The following GLRX3 variants were observed in gnomAD, a reference collection of about 807,000 sequenced individuals.
GLRX3 encodes the protein glutaredoxin 3.
Under a neutral mutation model 49.5 loss-of-function variants are expected in GLRX3, and 22 were observed. The ratio of observed to expected loss-of-function variants is 0.44; its 90% CI spans 0.32 to 0.63. GLRX3 has a LOEUF of 0.63. Ranked by LOEUF, GLRX3 falls within the 30% of genes least tolerant of loss-of-function variation. The pLI is 0.05. For synonymous variants in GLRX3, 133 were observed against 140.0 expected, an observed-to-expected ratio of 0.95 and a Z score of 0.35; for missense variants, 385 against 396.3, an observed-to-expected ratio of 0.97 and a Z score of 0.24.
At chr10:130,155,593 G>C (rs981020907) in intron 2 of GLRX3, among the ~76,000 whole-genome samples, 2 of 152,190 alleles carry the variant, frequency 1.3e-5, no homozygotes, top group East Asian at 3.8e-4. Flanking sequence ...GATGGATTTT[G>C]TGAGATAGAG....
At chr10:130,139,380 C>T (rs1862130223) in intron 1 of GLRX3, among the ~76,000 whole-genome samples, 1 of 151,678 alleles carries the variant, frequency 6.6e-6, no homozygotes, top group East Asian at 2.0e-4. Context: ...TGGCTCACGC[C>T]TGTAATCCCA....
chr10:130,169,446 A>G lies in GLRX3; in HGVS notation c.727A>G (p.Thr243Ala), dbSNP rs1412233821. ...TTCTCTCTTTAGGCTCAAAGTGCTG[A>G]CAAATAAAGCTTCTGTGATGCTCTT... The part of the protein sequence containing the change: ...PKLEERLKVL[T>A]NKASVMLFMK... Residue 243 changes from threonine to alanine, a missense_variant, in exon 7 of 11, where the codon ACA becomes GCA. This residue lies in a region of GLRX3 where 374 missense variants were observed against 358.6 expected (regional missense o/e 1.04). Transcript: ENST00000331244. 6.2e-7 allele frequency: 1 copy of G among 1,610,884 alleles called. No homozygotes were observed. Among genetic ancestry groups the G allele is most frequent in the Non-Finnish European group, 8.5e-7 (1 of 1,176,998 alleles).
At chr10:130,139,213 C>CCAGGAAA in intron 1 of GLRX3, among the ~76,000 whole-genome samples, 1 of 151,984 alleles carries the variant, frequency 6.6e-6, no homozygotes, top group Non-Finnish European at 1.5e-5. Context: ...TGCCGCTGGC[C>CCAGGAAA]TGTACTTGAA....
intron 2 of GLRX3, among the ~76,000 whole-genome samples, chr10:130,146,561 T>C (rs1862274393): frequency 6.6e-6 from 1 of 152,208 alleles, no homozygotes; most frequent in South Asian, 2.1e-4. Flanking sequence ...GTTAAAGATA[T>C]TATTCAGGAC....
intron 10 of GLRX3, among the ~76,000 whole-genome samples, chr10:130,176,729 G>C (rs558275547): frequency 1.3e-5 from 2 of 151,164 alleles, no homozygotes; most frequent in Non-Finnish European, 2.9e-5. Context: ...ATCTGCATTT[G>C]TTTCTTCCCT....
chr10:130,175,234 G>A (rs1358798631), intron 10 of GLRX3, 145 bp downstream of exon 10: 5 of 647,462 alleles, frequency 7.7e-6, no homozygotes, highest in South Asian at 7.2e-5. Context: ...CAGTATCACC[G>A]TTTCTGTGTG....
rs1474692817 is a variant in GLRX3 at position 130,145,220 on chromosome 10, T to C, written c.102T>C (p.Leu34=). 7.1e-7 allele frequency: 1 copy of C among 1,400,850 alleles called. No homozygotes were observed. Among genetic ancestry groups the C allele is most frequent in the African/African-American group, 1.4e-5 (1 of 71,320 alleles). The allele number at this position is 1,400,850 out of a possible 1,614,324, so 86.8% of individuals were successfully genotyped here. A position where few individuals can be genotyped will look rare whatever the true frequency, so the allele number is the denominator to read the frequency against. Residue 34 remains leucine (L), a synonymous_variant, in exon 2 of 11, where the codon CTT becomes CTC. Coordinates refer to ENST00000331244, the MANE Select transcript of GLRX3 (RefSeq NM_006541.5). ...TTTAATTGATTTACAGGTCCCTCCT[T>C]GTGGTCCATTTCTGGGCACCATGGG... ...ELLRLKAKSL[L]VVHFWAPWAP...
chr10:130,171,077 G>A (rs1166127549), intron 7 of GLRX3, among the ~76,000 whole-genome samples: 1 of 150,430 alleles, frequency 6.6e-6, no homozygotes, highest in African/African-American at 2.4e-5. Flanking sequence ...GCAGTGAGCC[G>A]AGATCACACT....
rs1468905544 is a variant in GLRX3 at position 130,160,839 on chromosome 10, A to C, written c.320A>C (p.Glu107Ala). 1 of 1,610,758 alleles carries C rather than the reference A, an allele frequency of 6.2e-7. No individual in the cohort carries two copies. Among genetic ancestry groups the C allele is most frequent in the South Asian group, 1.1e-5 (1 of 90,998 alleles). The change falls in exon 4 of 11, where the codon GAG (glutamate) becomes GCG (alanine). Residue 107 changes from glutamate (E) to alanine (A), a missense_variant. By Grantham distance (107) the Glu-to-Ala change is moderately radical. This residue lies in a region of GLRX3 where 374 missense variants were observed against 358.6 expected (regional missense o/e 1.04). Transcript: ENST00000331244. ...CGATTAGATGGTGCACATGCCCCAG[A>C]GTTGACCAAAAAAGTTCAGCGACAT... Reference protein sequence around the residue: ...IDRLDGAHAPELTKKVQRHAS... With the variant: ...IDRLDGAHAPALTKKVQRHAS...
intron 1 of GLRX3, among the ~76,000 whole-genome samples, chr10:130,139,022 TG>T (rs1315541889): frequency 1.3e-5 from 2 of 151,590 alleles, no homozygotes; most frequent in African/African-American, 4.8e-5. Context: ...CCACCACGCC[TG>T]GCTAATTTTT....
Position 130,136,416 on chromosome 10 carries a change from G to A in GLRX3, c.-5G>A, listed in dbSNP as rs1187115760. ...ACTGGATTGCTTCTGTCTGGCGGCG[G>A]CAGCATGGCGGCGGGGGCGGCTGAG... On this transcript the variant is annotated 5_prime_UTR_variant, in exon 1 of 11. Transcript: ENST00000331244. 19 of 1,252,984 alleles carry A rather than the reference G, an allele frequency of 1.5e-5. No homozygotes were observed. Among genetic ancestry groups the A allele is most frequent in the South Asian group, 3.8e-5 (1 of 26,042 alleles). The allele number at this position is 1,252,984 out of a possible 1,614,324, so 77.6% of individuals were successfully genotyped here. A position where few individuals can be genotyped will look rare whatever the true frequency, so the allele number is the denominator to read the frequency against.
At chr10:130,155,064 C>T (rs892443021) in intron 2 of GLRX3, among the ~76,000 whole-genome samples, 2 of 152,012 alleles carry the variant, frequency 1.3e-5, no homozygotes, top group African/African-American at 4.8e-5. Flanking sequence ...CCCAAACTTC[C>T]GAGCTCAAGC....
At chr10:130,157,118 G>C (rs546478908) in intron 2 of GLRX3, among the ~76,000 whole-genome samples, 1 of 152,100 alleles carries the variant, frequency 6.6e-6, no homozygotes, top group African/African-American at 2.4e-5. Context: ...AATAGGATAG[G>C]TACAGATAGA....
chr10:130,169,132 T>G (rs1445217690), intron 6 of GLRX3, among the ~76,000 whole-genome samples: 1 of 152,182 alleles, frequency 6.6e-6, no homozygotes, highest in Non-Finnish European at 1.5e-5. Flanking sequence ...TATAGGCCCC[T>G]TATTGAACAA....
At chr10:130,154,675 C>T (rs557374491) in intron 2 of GLRX3, among the ~76,000 whole-genome samples, 1 of 151,968 alleles carries the variant, frequency 6.6e-6, no homozygotes, top group African/African-American at 2.4e-5. Context: ...AGTCTTGCAG[C>T]TCAGTGCCAT....
rs1564998399 is a variant in GLRX3, at chr10:130,169,498, A to G, written c.771+8A>G. The G allele has an allele frequency of 1.9e-6, 3 of 1,578,606 alleles. No homozygotes were observed. The East Asian group carries it at 6.7e-5, about 35-fold the overall frequency. On this transcript the variant is annotated splice_region_variant and intron_variant, in intron 7 of 10. Transcript: ENST00000331244. ...ATGAAAGGAAACAAACAGGTAAAGA[A>G]CTCAAAAATGGTTTTATTTGTAATT...
chr10:130,173,519 T>C (rs751936461), intron 8 of GLRX3, among the ~76,000 whole-genome samples: 1 of 152,194 alleles, frequency 6.6e-6, no homozygotes, highest in African/African-American at 2.4e-5. Flanking sequence ...AAAATACACA[T>C]GCATGAGTGG....
intron 1 of GLRX3, among the ~76,000 whole-genome samples, chr10:130,138,246 AG>A (rs1322598559): frequency 2.0e-5 from 3 of 152,050 alleles, no homozygotes; most frequent in Non-Finnish European, 4.4e-5. Flanking sequence ...TCGTAGAGGC[AG>A]GGTTTCCTCA....
intron 2 of GLRX3, among the ~76,000 whole-genome samples, chr10:130,152,432 A>G (rs985977100): frequency 1.3e-5 from 2 of 152,172 alleles, no homozygotes; most frequent in Non-Finnish European, 2.9e-5. Flanking sequence ...CTGTTTTTGC[A>G]GTGGCTGGTA....
Sources: gnomAD v4.1 joint callset for allele counts (sites outside exome capture counted in the v4.1 genomes callset) on GRCh38, gnomAD v4.1.1 for gene constraint, gnomAD v4.1.1 regional missense constraint, MANE v1.5 for transcripts, NCBI Gene and HGNC (gene_info 2026-07-23, HGNC 2026-07-21) for gene names.